The following SLC30A8 variants were observed in gnomAD, a reference collection of about 807,000 sequenced individuals.
SLC30A8 encodes proton-coupled zinc antiporter SLC30A8.
A neutral mutation model predicts 36.9 loss-of-function variants in SLC30A8; 27 were observed. That is an observed-to-expected ratio of 0.73 (90% CI 0.54 to 1.01). The LOEUF (loss-of-function observed/expected upper bound fraction) is 1.01, where lower values mean the gene tolerates loss of function less well. Ranked by LOEUF, SLC30A8 falls within the 50% of genes least tolerant of loss-of-function variation. SLC30A8 has a pLI of 0.00. For missense variants in SLC30A8, 439 were observed against 452.0 expected, an observed-to-expected ratio of 0.97 and a Z score of 0.26; for synonymous variants, 164 against 172.4, an observed-to-expected ratio of 0.95 and a Z score of 0.38.
intron 1 of SLC30A8, among the ~76,000 whole-genome samples, chr8:117,008,030 G>C (rs1816236850): frequency 6.6e-6 from 1 of 152,090 alleles, no homozygotes; most frequent in African/African-American, 2.4e-5. Flanking sequence ...TGGGTATTAG[G>C]GGAAATGAGC....
intron 2 of SLC30A8, among the ~76,000 whole-genome samples, chr8:117,111,686 A>G (rs1466586492): frequency 1.3e-5 from 2 of 151,992 alleles, no homozygotes; most frequent in Non-Finnish European, 2.9e-5. Flanking sequence ...AAGCTACTAC[A>G]ATATAGGTCT....
intron 1 of SLC30A8, among the ~76,000 whole-genome samples, chr8:116,979,361 A>G (rs1203689101): frequency 6.6e-6 from 1 of 152,146 alleles, no homozygotes; most frequent in Non-Finnish European, 1.5e-5. Context: ...CTCGAAGAAA[A>G]CATAAATGCA....
At position 117,057,575 on chromosome 8, in the gene SLC30A8, T is replaced by C. The variant is rs1817910370; in HGVS notation, c.-226+18317T>C. On this transcript the variant is annotated intron_variant, in intron 2 of 10. Transcript: ENST00000427715. ...CCATATTACTCTCTGGTTTTATGAGTTCAACTTTTTTTAGATTCCATGTAT... is the reference window on the plus strand; with the variant it reads ...CCATATTACTCTCTGGTTTTATGAGCTCAACTTTTTTTAGATTCCATGTAT... Among the ~76,000 whole-genome samples the C allele has an allele frequency of 4.7e-5, 7 of 149,086 alleles. No homozygotes were observed. The South Asian group carries it at 1.5e-3, about 31-fold the overall frequency.
At chr8:117,048,607 C>G (rs557072770) in intron 2 of SLC30A8, among the ~76,000 whole-genome samples, 103 of 152,234 alleles carry the variant, frequency 6.8e-4, no homozygotes, top group African/African-American at 2.4e-3. Context: ...AAAACAGCCT[C>G]ACTTTATTTT....
At chr8:117,045,768 A>G (rs1386942002) in intron 2 of SLC30A8, among the ~76,000 whole-genome samples, 2 of 152,188 alleles carry the variant, frequency 1.3e-5, no homozygotes. Context: ...CATCCATGTG[A>G]CAAGCCATCT....
intron 1 of SLC30A8, among the ~76,000 whole-genome samples, chr8:116,978,085 A>G (rs1312668181): frequency 6.6e-6 from 1 of 152,012 alleles, no homozygotes; most frequent in Non-Finnish European, 1.5e-5. Flanking sequence ...CTTCCCATTT[A>G]ACCTTCCTGT....
At chr8:117,035,113 GTC>G (rs1817172735) in intron 1 of SLC30A8, among the ~76,000 whole-genome samples, 2 of 152,082 alleles carry the variant, frequency 1.3e-5, no homozygotes, top group African/African-American at 4.8e-5. Flanking sequence ...CAAATCTCAT[GTC>G]TCTTTCACAT....
At chr8:117,153,723 GGTGTGTGTGTGTGTGTGT>G (rs59464276) in intron 3 of SLC30A8, among the ~76,000 whole-genome samples, 6 of 146,910 alleles carry the variant, frequency 4.1e-5, no homozygotes, top group African/African-American at 1.3e-4. Flanking sequence ...CATGATAAGG[GGTGTGTGTGTGTGTGTGT>G]GTGTGTGTGT....
intron 2 of SLC30A8, among the ~76,000 whole-genome samples, chr8:117,066,900 G>A (rs1200684661): frequency 6.6e-6 from 1 of 152,134 alleles, no homozygotes; most frequent in Non-Finnish European, 1.5e-5. Flanking sequence ...ATGCCTGGAA[G>A]CCTCCTGTAT....
At position 117,097,908 on chromosome 8, in the gene SLC30A8, A is replaced by G. The variant is rs1377975082; in HGVS notation, c.-225-37372A>G. 6.1e-5 allele frequency among the ~76,000 whole-genome samples: 6 copies of G among 98,884 alleles called. No homozygotes were observed. The East Asian group carries it at 1.7e-3, about 27-fold the overall frequency. The allele number at this position is 98,884 out of a possible 152,430, so 64.9% of individuals were successfully genotyped here. On this transcript the variant is annotated intron_variant, in intron 2 of 10. Transcript: ENST00000427715. The stretch of plus-strand genomic sequence containing the variant: ...AATAAATATATATTATATATAATAT[A>G]TAATTTTAAATAAATATATATATTA...
chr8:116,978,064 A>C (rs1397740704), intron 1 of SLC30A8, among the ~76,000 whole-genome samples: 1 of 152,014 alleles, frequency 6.6e-6, no homozygotes, highest in Non-Finnish European at 1.5e-5. Context: ...GTCCTGAAAA[A>C]GAAAAGCACC....
chr8:116,989,993 A>G (rs1183056783), intron 1 of SLC30A8, among the ~76,000 whole-genome samples: 2 of 152,250 alleles, frequency 1.3e-5, no homozygotes, highest in African/African-American at 4.8e-5. Context: ...AGATGGGAAT[A>G]GCTTGCCTGT....
Position 116,987,256 on chromosome 8 carries a change from G to A in SLC30A8, c.-266+36137G>A, listed in dbSNP as rs533655913. ...TTATCTAGAGATAACATGGACACAG[G>A]AAGGGGAACATCACACACCGGAGCC... On this transcript the variant is annotated intron_variant, in intron 1 of 10. Coordinates refer to the SLC30A8 transcript ENST00000427715. 2.9e-5 allele frequency among the ~76,000 whole-genome samples: 4 copies of A among 140,094 alleles called. No homozygotes were observed. In the South Asian group the frequency reaches 9.7e-4, roughly 34 times the overall value. 91.9% of individuals were successfully genotyped at this position (140,094 alleles called of 152,430 possible).
intron 1 of SLC30A8, among the ~76,000 whole-genome samples, chr8:117,017,156 A>T (rs1816547376): frequency 6.6e-6 from 1 of 152,186 alleles, no homozygotes; most frequent in Non-Finnish European, 1.5e-5. Context: ...ATTAGTTAAT[A>T]TATGTGAGGC....
At chr8:117,133,761 C>T (rs192747606), upstream of SLC30A8, among the ~76,000 whole-genome samples, 152 of 152,054 alleles carry the variant, frequency 1.0e-3, no homozygotes, top group Non-Finnish European at 1.5e-3. Context: ...CACAGAATAA[C>T]TGATTACTTT....
At chr8:116,958,556 G>A (rs1190635171) in intron 1 of SLC30A8, among the ~76,000 whole-genome samples, 1 of 151,668 alleles carries the variant, frequency 6.6e-6, no homozygotes, top group Non-Finnish European at 1.5e-5. Flanking sequence ...TTTTATCTTT[G>A]TTCCTCTGTA....
intron 2 of SLC30A8, among the ~76,000 whole-genome samples, chr8:117,115,549 A>G (rs1820410375): frequency 6.6e-6 from 1 of 152,114 alleles, no homozygotes; most frequent in African/African-American, 2.4e-5. Context: ...ATTTCTCTCC[A>G]CAAATAAGCA....
chr8:117,114,041 A>G (rs1415457208), intron 2 of SLC30A8, among the ~76,000 whole-genome samples: 1 of 152,128 alleles, frequency 6.6e-6, no homozygotes, highest in African/African-American at 2.4e-5. Context: ...CAGATGTTGG[A>G]GAACAGTATC....
intron 2 of SLC30A8, among the ~76,000 whole-genome samples, chr8:117,112,363 A>G (rs1375525251): frequency 1.3e-5 from 2 of 152,140 alleles, no homozygotes; most frequent in Non-Finnish European, 1.5e-5. Flanking sequence ...AAAGCCCTTT[A>G]TTTCATAACT....
Sources: allele counts gnomAD v4.1 joint callset (sites outside exome capture counted in the v4.1 genomes callset), GRCh38; gene constraint gnomAD v4.1.1; transcripts MANE v1.5; gene names NCBI Gene and HGNC (gene_info 2026-07-23, HGNC 2026-07-21).